The following HNMT variants were observed in gnomAD, a reference collection of about 807,000 sequenced individuals.
The protein encoded by HNMT is histamine N-methyltransferase.
HNMT carries 30 observed loss-of-function variants against 32.1 expected under a neutral mutation model. That is an observed-to-expected ratio of 0.93 (90% CI 0.70 to 1.27). HNMT has a LOEUF of 1.27. Ranked by LOEUF, HNMT falls within the 50% of genes most tolerant of loss-of-function variation. The pLI, the probability that HNMT is intolerant of heterozygous loss-of-function variation, is 0.00. For synonymous variants in HNMT, 125 were observed against 119.0 expected, an observed-to-expected ratio of 1.05 and a Z score of -0.33; for missense variants, 327 against 346.0, an observed-to-expected ratio of 0.95 and a Z score of 0.43.
At chr2:138,005,303 C>CTT (rs3842548) in intron 5 of HNMT, 78 bp downstream of exon 5, 170,068 of 808,080 alleles carry the variant, frequency 0.21, 19,764 homozygotes, top group Admixed American at 0.34. Context: ...TTGAAAGAAG[C>CTT]TTATATATTT....
intron 1 of HNMT, among the ~76,000 whole-genome samples, chr2:137,969,435 A>G (rs1047310115): frequency 1.3e-5 from 2 of 152,162 alleles, no homozygotes; most frequent in Non-Finnish European, 2.9e-5. Flanking sequence ...TTTTTTTAAA[A>G]GCCCTGACAA....
intron 4 of HNMT, 89 bp from the exon 5 acceptor site, chr2:138,005,043 G>C (rs1424735588): frequency 4.4e-6 from 3 of 680,476 alleles, no homozygotes; most frequent in African/African-American, 3.7e-5. Context: ...CACTCAACTA[G>C]AAAATCAAAC....
chr2:138,010,264 T>C (rs1172421644), intron 5 of HNMT, among the ~76,000 whole-genome samples: 2 of 152,040 alleles, frequency 1.3e-5, no homozygotes, highest in Admixed American at 6.6e-5. Flanking sequence ...TGAATAATTG[T>C]TTATTATTTC....
intron 2 of HNMT, chr2:137,991,692 A>G (rs527289167): frequency 6.6e-6 from 1 of 152,344 alleles, no homozygotes; most frequent in South Asian, 2.1e-4. Context: ...ATAAAGATAC[A>G]TATATGTATG....
intron 2 of HNMT, among the ~76,000 whole-genome samples, chr2:137,986,211 G>T (rs1213116988): frequency 4.7e-5 from 7 of 150,422 alleles, no homozygotes; most frequent in Middle Eastern, 3.5e-3. Context: ...ATTAGTCAGG[G>T]TTCTCTAGAG....
chr2:138,001,064 C>CTCTA, intron 3 of HNMT, 39 bp downstream of exon 3: 1 of 1,020,578 alleles, frequency 9.8e-7, no homozygotes, highest in Non-Finnish European at 1.5e-6. Flanking sequence ...AGATCCTATC[C>CTCTA]CAAAAGACTT....
intron 5 of HNMT, among the ~76,000 whole-genome samples, chr2:138,009,814 T>A (rs889330869): frequency 2.0e-5 from 3 of 152,100 alleles, no homozygotes; most frequent in African/African-American, 7.2e-5. Flanking sequence ...AGAAACCTCA[T>A]CAGCCGAGGT....
At chr2:138,003,589 A>G (rs1558746045) in intron 4 of HNMT, among the ~76,000 whole-genome samples, 1 of 152,020 alleles carries the variant, frequency 6.6e-6, no homozygotes, top group Non-Finnish European at 1.5e-5. Flanking sequence ...ATATTTCTCT[A>G]CCAGACTTGC....
chr2:137,972,062 T>G (rs1176678425), intron 2 of HNMT, among the ~76,000 whole-genome samples: 1 of 152,114 alleles, frequency 6.6e-6, no homozygotes, highest in Non-Finnish European at 1.5e-5. Context: ...CAAAGATAAC[T>G]AAGAGCTCTC....
At position 137,970,209 on chromosome 2, in the gene HNMT, G is replaced by GGCGCGGTGGCTCACGCCTGTA; in HGVS notation, c.182_183insGCGCGGTGGCTCACGCCTGTA (p.Gly61_Gly62insArgGlyGlySerArgLeuTer). ...GAAATTAAGATTCTAAGCATAGGCG[G>GGCGCGGTGGCTCACGCCTGTA]AGGTGCAGGTATGAGTAATATATTT... On this transcript the variant is annotated stop_gained and inframe_insertion, in exon 2 of 6. Transcript: ENST00000280097. LOFTEE classifies it high-confidence loss of function. 6.4e-7 allele frequency: 1 copy of GGCGCGGTGGCTCACGCCTGTA among 1,561,244 alleles called. No homozygotes were observed. The highest frequency in any genetic ancestry group is 8.8e-7 in the Non-Finnish European group (1 of 1,137,642).
At chr2:138,010,585 C>T (rs1489998509) in intron 5 of HNMT, among the ~76,000 whole-genome samples, 1 of 151,790 alleles carries the variant, frequency 6.6e-6, no homozygotes, top group Non-Finnish European at 1.5e-5. Context: ...AATTAAATGA[C>T]AACATTTACT....
intron 4 of HNMT, among the ~76,000 whole-genome samples, chr2:138,003,882 G>A (rs1681256797): frequency 1.3e-5 from 2 of 151,790 alleles, no homozygotes; most frequent in Non-Finnish European, 2.9e-5. Context: ...TATAAATATT[G>A]TGATTTCAGG....
intron 2 of HNMT, among the ~76,000 whole-genome samples, chr2:137,978,813 T>G (rs1213154520): frequency 7.2e-6 from 1 of 139,666 alleles, no homozygotes; most frequent in East Asian, 2.1e-4. Flanking sequence ...TATAGTATTA[T>G]ATAATACTTT....
chr2:137,970,301 A>G, intron 2 of HNMT, 84 bp downstream of exon 2: 2 of 791,404 alleles, frequency 2.5e-6, no homozygotes, highest in East Asian at 2.7e-5. Context: ...TTTTAGGAAG[A>G]CTTTTTTTTT....
chr2:137,965,713 T>C (rs1422061884), intron 1 of HNMT, among the ~76,000 whole-genome samples: 1 of 152,182 alleles, frequency 6.6e-6, no homozygotes, highest in African/African-American at 2.4e-5. Flanking sequence ...TTAACCTCTT[T>C]GGGTTTCTTT....
At chr2:137,968,204 A>C (rs904632244) in intron 1 of HNMT, among the ~76,000 whole-genome samples, 3 of 152,230 alleles carry the variant, frequency 2.0e-5, no homozygotes, top group Non-Finnish European at 4.4e-5. Flanking sequence ...AATAACTATA[A>C]ATAGTAAAGT....
intron 4 of HNMT, among the ~76,000 whole-genome samples, chr2:138,004,458 C>T (rs1368907232): frequency 6.6e-6 from 1 of 151,960 alleles, no homozygotes; most frequent in African/African-American, 2.4e-5. Flanking sequence ...AGATGCAAGC[C>T]ATGGGGAAAA....
intron 2 of HNMT, among the ~76,000 whole-genome samples, chr2:137,990,794 C>A (rs1432558896): frequency 6.6e-6 from 1 of 152,114 alleles, no homozygotes; most frequent in South Asian, 2.1e-4. Flanking sequence ...ACACAGAAGA[C>A]TTCTGTGACC....
intron 2 of HNMT, among the ~76,000 whole-genome samples, chr2:137,976,265 C>CAAAA (rs1358916029): frequency 1.5e-4 from 2 of 13,550 alleles, no homozygotes; most frequent in Non-Finnish European, 2.8e-4. Context: ...GACTCCATCT[C>CAAAA]AAAAAAACAA....
Sources: allele counts gnomAD v4.1 joint callset (sites outside exome capture counted in the v4.1 genomes callset), GRCh38; gene constraint gnomAD v4.1.1; transcripts MANE v1.5; gene names NCBI Gene and HGNC (gene_info 2026-07-23, HGNC 2026-07-21).